TPCN1: variants seen among roughly 807,000 people sequenced by gnomAD.
The protein encoded by TPCN1 is two pore segment channel 1.
Under a neutral mutation model 108.8 loss-of-function variants are expected in TPCN1, and 52 were observed. The ratio of observed to expected loss-of-function variants is 0.48; its 90% CI spans 0.38 to 0.60. TPCN1 has a LOEUF of 0.60. Among genes scored for constraint, TPCN1 ranks in the 20% least tolerant of loss-of-function variants. The pLI, the probability that TPCN1 is intolerant of heterozygous loss-of-function variation, is 0.00. For synonymous variants in TPCN1, 446 were observed against 433.7 expected, an observed-to-expected ratio of 1.03 and a Z score of -0.35; for missense variants, 806 against 1,072.8, an observed-to-expected ratio of 0.75 and a Z score of 3.47.
chr12:113,265,025 C>T (rs910634357), intron 3 of TPCN1, among the ~76,000 whole-genome samples: 1 of 152,018 alleles, frequency 6.6e-6, no homozygotes, highest in African/African-American at 2.4e-5. Flanking sequence ...GAGGTTTCAC[C>T]ATGTTGGCCA....
chr12:113,274,387 G>T (rs1233138657), intron 10 of TPCN1, among the ~76,000 whole-genome samples: 1 of 152,096 alleles, frequency 6.6e-6, no homozygotes, highest in Non-Finnish European at 1.5e-5. Context: ...GGTGGAGGTT[G>T]CTGTGAGCCG....
At position 113,284,886 on chromosome 12, in the gene TPCN1, G is replaced by T; in HGVS notation, c.1453+115G>T. The T allele has an allele frequency of 8.3e-7, 1 of 1,200,828 alleles. No homozygotes were observed. Among genetic ancestry groups the T allele is most frequent in the Non-Finnish European group, 1.2e-6 (1 of 816,026 alleles). The allele number at this position is 1,200,828 out of a possible 1,614,324, so 74.4% of individuals were successfully genotyped here. ...TAAAACAGGAAGCTATAAAGAGACG[G>T]AGTAATCAGTCTGATTCCATCTCGT... On this transcript the variant is annotated intron_variant, in intron 17 of 27. Coordinates refer to ENST00000335509, the MANE Select transcript of TPCN1 (RefSeq NM_017901.6). The surrounding 1 kb of genome is among the most constrained non-coding windows in gnomAD (Gnocchi z 4.1).
At chr12:113,271,003 G>T (rs1485468034) in intron 7 of TPCN1, among the ~76,000 whole-genome samples, 3 of 152,154 alleles carry the variant, frequency 2.0e-5, no homozygotes, top group Admixed American at 1.3e-4. Flanking sequence ...CACGCTGATT[G>T]TCGCAGCATT....
At chr12:113,222,678 C>T (rs1176843471) in intron 1 of TPCN1, among the ~76,000 whole-genome samples, 1 of 152,144 alleles carries the variant, frequency 6.6e-6, no homozygotes, top group Non-Finnish European at 1.5e-5. Context: ...TCTATGGTGG[C>T]AGATATCATG....
rs1956180230 is a variant in TPCN1 at position 113,288,920 on chromosome 12, G to A, written c.1796+73G>A. ...AGGGCTGGCCAGGGCCAGGATTGGT[G>A]TCCTTGTGGCCTTGGGGTCCTCGGG... On this transcript the variant is annotated intron_variant, in intron 21 of 27. Coordinates refer to ENST00000335509, the MANE Select transcript of TPCN1 (RefSeq NM_017901.6). The surrounding 1 kb of genome is among the most constrained non-coding windows in gnomAD (Gnocchi z 4.8). The A allele has an allele frequency of 6.7e-7, 1 of 1,489,784 alleles. No homozygotes were observed. The allele number at this position is 1,489,784 out of a possible 1,614,324, so 92.3% of individuals were successfully genotyped here. A position where few individuals can be genotyped will look rare whatever the true frequency, so the allele number is the denominator to read the frequency against.
At chr12:113,291,832 C>T (rs765573751) in intron 24 of TPCN1, 42 bp from the exon 25 acceptor site, 1 of 1,492,418 alleles carries the variant, frequency 6.7e-7, no homozygotes, top group Non-Finnish European at 9.4e-7. Context: ...CCTACCCACC[C>T]TCCTCCCCTG....
chr12:113,279,124 A>T (rs1187403115), intron 14 of TPCN1, among the ~76,000 whole-genome samples: 1 of 151,806 alleles, frequency 6.6e-6, no homozygotes, highest in East Asian at 1.9e-4. Context: ...ATGTTCATTG[A>T]AGAAACTTGA....
chr12:113,272,544 C>A lies in TPCN1; in HGVS notation c.749-114C>A. Reference sequence around the variant, plus strand: ...GTGCTGTGGTCCCCAGCAGTCCCTGCTGCTCTTCCTGACCTGCTGCGTTCA... The same window carrying A: ...GTGCTGTGGTCCCCAGCAGTCCCTGATGCTCTTCCTGACCTGCTGCGTTCA... On this transcript the variant is annotated intron_variant, in intron 7 of 27. Coordinates refer to ENST00000335509, the MANE Select transcript of TPCN1 (RefSeq NM_017901.6). The surrounding 1 kb of genome is among the most constrained non-coding windows in gnomAD (Gnocchi z 4.1). 2.1e-6 allele frequency: 2 copies of A among 971,020 alleles called. No individual in the cohort carries two copies. Among genetic ancestry groups the A allele is most frequent in the South Asian group, 1.3e-5 (1 of 76,794 alleles). 60.2% of individuals were successfully genotyped at this position (971,020 alleles called of 1,614,324 possible).
Position 113,273,668 on chromosome 12 carries a change from G to T in TPCN1, c.942G>T (p.Leu314=), listed in dbSNP as rs946618902. ...TCGAGCTGTATTTCATCATGAACCT[G>T]GTGAGTGACTATGCCTCAGGCTACG... ...LSIELYFIMN[L]LLAVVFDTFN... The change falls in exon 10 of 28, where the codon CTG becomes CTT. Residue 314 remains leucine, a splice_region_variant and synonymous_variant. Transcript: ENST00000335509. The surrounding 1 kb of genome is among the most constrained non-coding windows in gnomAD (Gnocchi z 4.0). The T allele has an allele frequency of 2.5e-6, 4 of 1,613,116 alleles. No individual in the cohort carries two copies. The African/African-American group carries it at 5.3e-5, about 22-fold the overall frequency.
chr12:113,293,335 CAGG>C lies in TPCN1; in HGVS notation c.2326_2328del (p.Glu776del). 1 of 1,614,010 alleles carries C rather than the reference CAGG, an allele frequency of 6.2e-7. No homozygotes were observed. The highest frequency in any genetic ancestry group is 8.5e-7 in the Non-Finnish European group (1 of 1,180,020). ...GAGCGACCTGAGCCTGAAGATGTAC[CAGG>C]AGGAGATCCAGGTAGGAGCCTGGCC... is the stretch of plus-strand genomic sequence containing the variant. On this transcript the variant is annotated inframe_deletion, in exon 27 of 28. Coordinates refer to ENST00000335509, the MANE Select transcript of TPCN1 (RefSeq NM_017901.6).
At chr12:113,251,153 T>G (rs997470904) in intron 2 of TPCN1, among the ~76,000 whole-genome samples, 1 of 151,478 alleles carries the variant, frequency 6.6e-6, no homozygotes, top group Non-Finnish European at 1.5e-5. Flanking sequence ...AAAAAAAAAT[T>G]AGCTGGGCAT....
Position 113,268,803 on chromosome 12 carries a change from A to G in TPCN1, c.590A>G (p.His197Arg). ...GTGGTGTTGGTACGGCAGATGTCCC[A>G]TGTGCGGGTGACCCGAGCACTGCGC... Reference protein sequence around the residue: ...AIVVLVRQMSHVRVTRALRCI... With the variant: ...AIVVLVRQMSRVRVTRALRCI... The change falls in exon 6 of 28, where the codon CAT (histidine) becomes CGT (arginine). Residue 197 changes from histidine (H) to arginine (R), a missense_variant. His to Arg is a conservative substitution (Grantham distance 29, BLOSUM62 0). Transcript: ENST00000335509. This position sits in a 1 kb window ranked among gnomAD's most constrained non-coding sequence, Gnocchi z 7.3. 1 of 1,614,104 alleles carries G rather than the reference A, an allele frequency of 6.2e-7. No individual in the cohort carries two copies. The highest frequency in any genetic ancestry group is 8.5e-7 in the Non-Finnish European group (1 of 1,180,014).
At chr12:113,279,525 AGTAG>A (rs1955819624) in intron 14 of TPCN1, among the ~76,000 whole-genome samples, 2 of 144,824 alleles carry the variant, frequency 1.4e-5, no homozygotes, top group Non-Finnish European at 3.0e-5. Flanking sequence ...CAGCCTCCCG[AGTAG>A]CTGGGACTAC....
At chr12:113,233,216 C>T (rs1194440096) in intron 2 of TPCN1, among the ~76,000 whole-genome samples, 1 of 152,226 alleles carries the variant, frequency 6.6e-6, no homozygotes, top group Non-Finnish European at 1.5e-5. Flanking sequence ...CTTTCCCGCA[C>T]ACAAGACGCT....
At chr12:113,271,436 A>G (rs1024215632) in intron 7 of TPCN1, among the ~76,000 whole-genome samples, 1 of 152,156 alleles carries the variant, frequency 6.6e-6, no homozygotes, top group African/African-American at 2.4e-5. Flanking sequence ...TATCATTCCC[A>G]TGCACGTCTT....
intron 2 of TPCN1, 93 bp from the exon 3 acceptor site, chr12:113,260,275 A>AT: frequency 7.3e-7 from 1 of 1,379,198 alleles, no homozygotes; most frequent in Non-Finnish European, 9.5e-7. Context: ...ATGTGAGCAT[A>AT]TGAAGGGACT....
intron 2 of TPCN1, among the ~76,000 whole-genome samples, chr12:113,228,450 C>CA (rs1392059709): frequency 6.6e-6 from 1 of 151,970 alleles, no homozygotes; most frequent in Admixed American, 6.6e-5. Flanking sequence ...CTCGGCTGTA[C>CA]AAAAAAATTA....
chr12:113,285,568 G>A (rs1956046284), intron 17 of TPCN1, among the ~76,000 whole-genome samples: 1 of 152,168 alleles, frequency 6.6e-6, no homozygotes, highest in Non-Finnish European at 1.5e-5. Context: ...TAAAGATGGG[G>A]TCTCACTATG....
chr12:113,290,844 C>G lies in TPCN1; in HGVS notation c.1913-108C>G. 3 of 1,044,868 alleles carry G rather than the reference C, an allele frequency of 2.9e-6. No individual in the cohort carries two copies. In the South Asian group the frequency reaches 3.9e-5, roughly 13 times the overall value. 64.7% of individuals were successfully genotyped at this position (1,044,868 alleles called of 1,614,324 possible). A position where few individuals can be genotyped will look rare whatever the true frequency, so the allele number is the denominator to read the frequency against. On this transcript the variant is annotated intron_variant, in intron 22 of 27. Coordinates refer to ENST00000335509, the MANE Select transcript of TPCN1 (RefSeq NM_017901.6). Reference sequence around the variant, plus strand: ...CACAACCCAAGCGGTCATATGGTGACCCTCTCATCTTAGCACATGGCACCC... The same window carrying G: ...CACAACCCAAGCGGTCATATGGTGAGCCTCTCATCTTAGCACATGGCACCC...
Sources: allele counts gnomAD v4.1 joint callset (sites outside exome capture counted in the v4.1 genomes callset), GRCh38; gene constraint gnomAD v4.1.1; non-coding constraint Gnocchi (gnomAD v3.1); transcripts MANE v1.5; gene names NCBI Gene and HGNC (gene_info 2026-07-23, HGNC 2026-07-21).